Variants in ADAMTS16 observed in about 807,000 individuals in gnomAD.
The protein encoded by ADAMTS16 is A disintegrin and metalloproteinase with thrombospondin motifs 16.
A neutral mutation model predicts 145.8 loss-of-function variants in ADAMTS16; 94 were observed. That is an observed-to-expected ratio of 0.64 (90% confidence interval 0.55 to 0.77). The LOEUF (loss-of-function observed/expected upper bound fraction) is 0.77, where lower values mean the gene tolerates loss of function less well. ADAMTS16 is among the 30% of genes least tolerant of loss of function. The pLI, the probability that ADAMTS16 is intolerant of heterozygous loss-of-function variation, is 0.00. For synonymous variants in ADAMTS16, 659 were observed against 604.3 expected (o/e 1.09, Z -1.33); for missense variants, 1,585 against 1,591.5 (o/e 1.00, Z 0.07).
Position 5,140,375 on chromosome 5 carries a change from C to T in ADAMTS16, c.-93C>T. The T allele has an allele frequency of 7.8e-7, 1 of 1,289,954 alleles. No individual in the cohort carries two copies. Among genetic ancestry groups the T allele is most frequent in the Non-Finnish European group, 1.0e-6 (1 of 980,550 alleles). 79.9% of individuals were successfully genotyped at this position (1,289,954 alleles called of 1,614,324 possible). On this transcript the variant is annotated 5_prime_UTR_variant, in exon 1 of 23. Transcript: ENST00000274181. ...GGCGGAGTCGCTGTGGGGAATCCTCCCGCGCTCTGCCTGGGTCGGGTCCTC... is the reference window on the plus strand; with the variant it reads ...GGCGGAGTCGCTGTGGGGAATCCTCTCGCGCTCTGCCTGGGTCGGGTCCTC...
chr5:5,261,930 C>T (rs1157232717), intron 17 of ADAMTS16, among the ~76,000 whole-genome samples: 2 of 152,090 alleles, frequency 1.3e-5, no homozygotes, highest in Non-Finnish European at 2.9e-5. Flanking sequence ...CTCCCAACTC[C>T]CCCTCCTCCA....
At chr5:5,272,382 G>A (rs1214677267) in intron 18 of ADAMTS16, among the ~76,000 whole-genome samples, 1 of 107,884 alleles carries the variant, frequency 9.3e-6, no homozygotes, top group African/African-American at 3.1e-5. Context: ...TTTTTTTTGA[G>A]ATGGAGTCTT....
intron 9 of ADAMTS16, among the ~76,000 whole-genome samples, chr5:5,201,721 T>G (rs182466556): frequency 6.6e-6 from 1 of 152,270 alleles, no homozygotes; most frequent in South Asian, 2.1e-4. Context: ...GTCCCCAGGC[T>G]AGGAAACGAG....
chr5:5,268,377 C>T (rs1431079027), intron 18 of ADAMTS16, among the ~76,000 whole-genome samples: 1 of 152,166 alleles, frequency 6.6e-6, no homozygotes, highest in Non-Finnish European at 1.5e-5. Flanking sequence ...CTTGACTCAC[C>T]GTACGTAGCA....
chr5:5,168,921 C>T (rs1298758115), intron 3 of ADAMTS16, among the ~76,000 whole-genome samples: 1 of 150,774 alleles, frequency 6.6e-6, no homozygotes, highest in East Asian at 1.9e-4. Context: ...CTGGGATAGC[C>T]CCTGAGCCCC....
intron 3 of ADAMTS16, among the ~76,000 whole-genome samples, chr5:5,151,334 G>A (rs1049551830): frequency 6.6e-6 from 1 of 151,736 alleles, no homozygotes; most frequent in Non-Finnish European, 1.5e-5. Context: ...CGCCTCTCAG[G>A]TTCAAGTGAT....
chr5:5,197,398 T>C (rs1270153418), intron 8 of ADAMTS16, among the ~76,000 whole-genome samples: 2 of 152,250 alleles, frequency 1.3e-5, no homozygotes, highest in East Asian at 1.9e-4. Flanking sequence ...TTTGAGTTAG[T>C]GTTACAGCAG....
At chr5:5,214,512 A>C (rs1389763325) in intron 10 of ADAMTS16, among the ~76,000 whole-genome samples, 3 of 152,128 alleles carry the variant, frequency 2.0e-5, no homozygotes, top group Non-Finnish European at 4.4e-5. Flanking sequence ...TCCCAGGCTC[A>C]AGCAATTCTC....
chr5:5,252,007 C>T (rs2913646), intron 17 of ADAMTS16, among the ~76,000 whole-genome samples: 146,381 of 152,226 alleles, frequency 0.96, 70,486 homozygotes, highest in Non-Finnish European at 0.99. Flanking sequence ...GCCGCCACCA[C>T]GCCCGGCTAC....
intron 2 of ADAMTS16, chr5:5,141,993 A>G (rs923632223): frequency 2.0e-5 from 3 of 152,256 alleles, no homozygotes; most frequent in South Asian, 4.1e-4. Context: ...GGTTTTGCTT[A>G]CAATACTAAA....
At chr5:5,263,012 G>A (rs530395132) in intron 18 of ADAMTS16, among the ~76,000 whole-genome samples, 15 of 152,324 alleles carry the variant, frequency 9.8e-5, no homozygotes, top group Admixed American at 3.3e-4. Flanking sequence ...TTAGAATGGC[G>A]TCCTGTTTGT....
At chr5:5,163,883 T>A (rs1488058477) in intron 3 of ADAMTS16, among the ~76,000 whole-genome samples, 1 of 152,200 alleles carries the variant, frequency 6.6e-6, no homozygotes, top group Non-Finnish European at 1.5e-5. Flanking sequence ...GCTCCCTGAC[T>A]GCAGGGCTGA....
chr5:5,313,067 A>G (rs550114383), intron 21 of ADAMTS16, among the ~76,000 whole-genome samples: 1 of 152,358 alleles, frequency 6.6e-6, no homozygotes, highest in East Asian at 1.9e-4. Flanking sequence ...CTGTATCTTC[A>G]ATAGCTGTTG....
intron 21 of ADAMTS16, among the ~76,000 whole-genome samples, chr5:5,311,300 CAA>C (rs57267931): frequency 0.66 from 85,368 of 128,902 alleles, 26,490 homozygotes; most frequent in Admixed American, 0.69. Context: ...TTGACATAGG[CAA>C]AAAAAAAAAA....
intron 6 of ADAMTS16, 62 bp downstream of exon 6, chr5:5,187,870 C>CT: frequency 1.7e-6 from 2 of 1,158,458 alleles, no homozygotes; most frequent in South Asian, 1.3e-5. Flanking sequence ...CAAAATAATG[C>CT]TTTTTTCTTT....
chr5:5,253,997 T>C (rs991583805), intron 17 of ADAMTS16, among the ~76,000 whole-genome samples: 11 of 152,226 alleles, frequency 7.2e-5, no homozygotes, highest in Non-Finnish European at 1.0e-4. Flanking sequence ...TCTCTGCCTC[T>C]ATCTCTGTTC....
chr5:5,197,896 C>T (rs1735850492), intron 8 of ADAMTS16, among the ~76,000 whole-genome samples: 1 of 152,102 alleles, frequency 6.6e-6, no homozygotes, highest in Non-Finnish European at 1.5e-5. Context: ...CCAATACACC[C>T]AAATGCCAGC....
chr5:5,199,256 C>T (rs964522551), intron 8 of ADAMTS16, among the ~76,000 whole-genome samples: 1 of 152,148 alleles, frequency 6.6e-6, no homozygotes, highest in East Asian at 1.9e-4. Context: ...GCTCCATTTT[C>T]TCAGGTGTTA....
intron 2 of ADAMTS16, among the ~76,000 whole-genome samples, chr5:5,144,125 C>A (rs943617065): frequency 4.0e-5 from 6 of 150,336 alleles, no homozygotes; most frequent in South Asian, 2.1e-4. Flanking sequence ...TAAATTATAA[C>A]AAAAAAAAAA....
Sources: gnomAD v4.1 joint callset for allele counts (sites outside exome capture counted in the v4.1 genomes callset) on GRCh38, gnomAD v4.1.1 for gene constraint, MANE v1.5 for transcripts, NCBI Gene and HGNC (gene_info 2026-07-23, HGNC 2026-07-21) for gene names.